RAB3C: variants seen among roughly 807,000 people sequenced by gnomAD.
RAB3C encodes the protein ras-related protein Rab-3C.
In RAB3C, 17 loss-of-function variants were observed where a neutral mutation model predicts 26.4. The observed-to-expected ratio is 0.64, with a 90% CI of 0.44 to 0.97. The LOEUF (loss-of-function observed/expected upper bound fraction) is 0.97. Ranked by LOEUF, RAB3C falls within the 50% of genes least tolerant of loss-of-function variation. RAB3C has a pLI of 0.00. For missense variants in RAB3C, 242 were observed against 281.9 expected, an observed-to-expected ratio of 0.86 and a Z score of 1.01; for synonymous variants, 91 against 95.9, an observed-to-expected ratio of 0.95 and a Z score of 0.30.
At chr5:58,739,503 C>T (rs1199934567) in intron 3 of RAB3C, among the ~76,000 whole-genome samples, 1 of 151,690 alleles carries the variant, frequency 6.6e-6, no homozygotes, top group African/African-American at 2.4e-5. Flanking sequence ...GCCTATGTAC[C>T]CCTTCTTAAA....
intron 3 of RAB3C, among the ~76,000 whole-genome samples, chr5:58,782,333 G>A (rs1272385753): frequency 2.6e-5 from 4 of 152,014 alleles, no homozygotes; most frequent in Non-Finnish European, 5.9e-5. Flanking sequence ...TTAAACTCCC[G>A]TCAAAAATCT....
In RAB3C at chr5:58,583,248, A is replaced by G. The variant is rs1340284878; in HGVS notation, c.24+16A>G. The G allele has an allele frequency of 1.2e-6, 2 of 1,614,066 alleles. No individual in the cohort carries two copies. Among genetic ancestry groups the G allele is most frequent in the Non-Finnish European group, 1.7e-6 (2 of 1,180,032 alleles). On this transcript the variant is annotated intron_variant, in intron 1 of 4. Coordinates refer to ENST00000282878, the MANE Select transcript of RAB3C (RefSeq NM_138453.4). ...GCCCATGCAGGTGGGTCCATAAAGAAAGAGTGGCCTCGGGAGGAATTGAAA... is the reference window on the plus strand; with the variant it reads ...GCCCATGCAGGTGGGTCCATAAAGAGAGAGTGGCCTCGGGAGGAATTGAAA...
At chr5:58,816,356 G>T (rs1397151730) in intron 3 of RAB3C, among the ~76,000 whole-genome samples, 1 of 152,170 alleles carries the variant, frequency 6.6e-6, no homozygotes, top group Non-Finnish European at 1.5e-5. Flanking sequence ...AATCAGTATG[G>T]TAACAACCTG....
At chr5:58,644,755 T>G (rs1231187540) in intron 2 of RAB3C, among the ~76,000 whole-genome samples, 3 of 152,190 alleles carry the variant, frequency 2.0e-5, no homozygotes, top group Non-Finnish European at 4.4e-5. Flanking sequence ...TTAAAATATT[T>G]TGTCCAATAT....
intron 2 of RAB3C, among the ~76,000 whole-genome samples, chr5:58,669,155 A>C (rs1047113150): frequency 6.6e-6 from 1 of 152,144 alleles, no homozygotes; most frequent in Admixed American, 6.5e-5. Flanking sequence ...TTGGGGGGAC[A>C]AAATTTAGCC....
chr5:58,654,968 G>A (rs1728574264), intron 2 of RAB3C, among the ~76,000 whole-genome samples: 1 of 151,984 alleles, frequency 6.6e-6, no homozygotes. Context: ...TATAATTTTA[G>A]GTAGTGATAA....
chr5:58,585,747 G>T (rs1435764277), intron 1 of RAB3C, among the ~76,000 whole-genome samples: 2 of 152,158 alleles, frequency 1.3e-5, no homozygotes, highest in East Asian at 3.9e-4. Context: ...ATTTTATGAA[G>T]AGTATTTCTT....
intron 2 of RAB3C, among the ~76,000 whole-genome samples, chr5:58,677,999 T>TGTGTGTGTGTGTGC (rs1347085153): frequency 3.4e-4 from 52 of 150,790 alleles, no homozygotes; most frequent in Non-Finnish European, 3.3e-4. Flanking sequence ...TGTGTGTGTG[T>TGTGTGTGTGTGTGC]GTGCATGCGT....
intron 3 of RAB3C, among the ~76,000 whole-genome samples, chr5:58,738,829 A>G (rs1232348437): frequency 6.6e-6 from 1 of 152,190 alleles, no homozygotes; most frequent in Non-Finnish European, 1.5e-5. Flanking sequence ...TATTTATTGC[A>G]AATACTAGCA....
intron 2 of RAB3C, among the ~76,000 whole-genome samples, chr5:58,706,314 C>T (rs1166766546): frequency 2.0e-5 from 3 of 151,972 alleles, no homozygotes; most frequent in Admixed American, 2.0e-4. Flanking sequence ...TCGGTGGCCA[C>T]CTTGGGCATT....
At chr5:58,673,742 G>A (rs1301619820) in intron 2 of RAB3C, among the ~76,000 whole-genome samples, 1 of 152,164 alleles carries the variant, frequency 6.6e-6, no homozygotes, top group Non-Finnish European at 1.5e-5. Flanking sequence ...GGATCAAATA[G>A]TTTAGTTATG....
rs1207482630 is a variant in RAB3C at position 58,855,211 on chromosome 5, T to C, written c.*3860T>C. The C allele has an allele frequency of 1.3e-5, 2 of 152,192 alleles. No homozygotes were observed. Among genetic ancestry groups the C allele is most frequent in the East Asian group, 3.8e-4 (2 of 5,200 alleles). The allele number at this position is 152,192 out of a possible 1,614,324, so 9.4% of individuals were successfully genotyped here. A position where few individuals can be genotyped will look rare whatever the true frequency, so the allele number is the denominator to read the frequency against. On this transcript the variant is annotated 3_prime_UTR_variant, in exon 5 of 5. Transcript: ENST00000282878. ...TAAAAGCATATCCAAACTACCAAGC[T>C]ATACCAAGCTGAGGTAGGTAACACC...
chr5:58,622,087 C>T (rs1374068722), intron 2 of RAB3C, among the ~76,000 whole-genome samples: 1 of 152,122 alleles, frequency 6.6e-6, no homozygotes, highest in Middle Eastern at 3.2e-3. Flanking sequence ...GTTACACCTC[C>T]TCTCTGTGGA....
At chr5:58,759,208 G>C (rs1741740276) in intron 3 of RAB3C, among the ~76,000 whole-genome samples, 1 of 152,214 alleles carries the variant, frequency 6.6e-6, no homozygotes, top group Admixed American at 6.5e-5. Context: ...ACAGTGGTTA[G>C]TACAGGGTCC....
At chr5:58,685,135 G>T (rs1322048067) in intron 2 of RAB3C, among the ~76,000 whole-genome samples, 1 of 152,088 alleles carries the variant, frequency 6.6e-6, no homozygotes, top group African/African-American at 2.4e-5. Context: ...ATCCCTCATA[G>T]ATACCAAAGG....
Position 58,856,217 on chromosome 5 carries a change from T to C in RAB3C, c.*4866T>C, listed in dbSNP as rs1279205915. On this transcript the variant is annotated 3_prime_UTR_variant, in exon 5 of 5. Coordinates refer to ENST00000282878, the MANE Select transcript of RAB3C (RefSeq NM_138453.4). ...GGTCCATAAAATCGGTTCTTCACAC[T>C]GATTTCGTTTGATTAGTCTGTGCAT... The C allele has an allele frequency of 6.6e-6, 1 of 152,016 alleles. No homozygotes were observed. Among genetic ancestry groups the C allele is most frequent in the Admixed American group, 6.6e-5 (1 of 15,240 alleles). The allele number at this position is 152,016 out of a possible 1,614,324, so 9.4% of individuals were successfully genotyped here.
chr5:58,829,442 G>C (rs1406046611), intron 4 of RAB3C, among the ~76,000 whole-genome samples: 2 of 152,128 alleles, frequency 1.3e-5, no homozygotes, highest in Non-Finnish European at 2.9e-5. Context: ...GAAATTTATA[G>C]AGGAGGATGG....
intron 2 of RAB3C, among the ~76,000 whole-genome samples, chr5:58,695,865 C>A (rs1748686612): frequency 6.6e-6 from 1 of 152,070 alleles, no homozygotes; most frequent in African/African-American, 2.4e-5. Context: ...ATGTCATCTG[C>A]AAAAAGGGAC....
chr5:58,606,373 T>C (rs1382225569), intron 1 of RAB3C, among the ~76,000 whole-genome samples: 2 of 152,088 alleles, frequency 1.3e-5, no homozygotes, highest in Non-Finnish European at 2.9e-5. Context: ...GAGGCTTGAA[T>C]AGGTAAAGTG....
Sources: allele counts gnomAD v4.1 joint callset (sites outside exome capture counted in the v4.1 genomes callset), GRCh38; gene constraint gnomAD v4.1.1; transcripts MANE v1.5; gene names NCBI Gene and HGNC (gene_info 2026-07-23, HGNC 2026-07-21).